Variants in PRSS23 observed in about 807,000 individuals in gnomAD.
The protein encoded by PRSS23 is serine protease 23, also known as protease, serine 23.
A neutral mutation model predicts 34.7 loss-of-function variants in PRSS23; 25 were observed. The ratio of observed to expected loss-of-function variants is 0.72; its 90% CI spans 0.53 to 1.01. The LOEUF (loss-of-function observed/expected upper bound fraction) is 1.01, where lower values mean the gene tolerates loss of function less well. Among genes scored for constraint, PRSS23 ranks in the 50% least tolerant of loss-of-function variants. PRSS23 has a pLI of 0.00. For missense variants in PRSS23, 445 were observed against 475.6 expected (o/e 0.94, Z 0.60); for synonymous variants, 176 against 186.6 (o/e 0.94, Z 0.46).
intron 1 of PRSS23, among the ~76,000 whole-genome samples, chr11:86,819,263 T>A (rs1948236220): frequency 6.6e-6 from 1 of 152,174 alleles, no homozygotes; most frequent in South Asian, 2.1e-4. Context: ...GACCTGACAC[T>A]CTGCAGAACT....
chr11:86,906,147 G>A lies in PRSS23; in HGVS notation c.207-45069G>A, dbSNP rs183115986. Among the ~76,000 whole-genome samples the A allele has an allele frequency of 5.9e-3, 900 of 152,364 alleles. 12 individuals are homozygous for A. Among genetic ancestry groups the A allele is most frequent in the African/African-American group, 0.021 (862 of 41,578 alleles). ...TGCCTTGCAGGAAGGGCCAGGGCCT[G>A]GCGGGGCCGGGGGGCGGGGGCAAGA... On this transcript the variant is annotated intron_variant, in intron 2 of 2. Transcript: ENST00000533902.
At chr11:86,926,707 C>T (rs1481282832) in intron 2 of PRSS23, among the ~76,000 whole-genome samples, 2 of 152,194 alleles carry the variant, frequency 1.3e-5, no homozygotes, top group African/African-American at 4.8e-5. Flanking sequence ...ATTAGGGTTA[C>T]ACTCCTGGAT....
chr11:86,906,297 A>G (rs1220463332), intron 2 of PRSS23, among the ~76,000 whole-genome samples: 1 of 152,228 alleles, frequency 6.6e-6, no homozygotes, highest in Non-Finnish European at 1.5e-5. Context: ...TATTGTTTTC[A>G]TCGAAACCCT....
chr11:86,927,981 C>T (rs1319446975), intron 2 of PRSS23, among the ~76,000 whole-genome samples: 1 of 151,656 alleles, frequency 6.6e-6, no homozygotes, highest in African/African-American at 2.4e-5. Flanking sequence ...CCCAGAAAGT[C>T]TCCACTTACA....
intron 1 of PRSS23, among the ~76,000 whole-genome samples, chr11:86,806,663 T>C (rs1948104754): frequency 6.6e-6 from 1 of 152,244 alleles, no homozygotes; most frequent in Non-Finnish European, 1.5e-5. Context: ...TCAAGCTGTT[T>C]CTCTGAGCTA....
chr11:86,838,073 CT>C (rs34376720), intron 2 of PRSS23, among the ~76,000 whole-genome samples: 2,512 of 144,294 alleles, frequency 0.017, 77 homozygotes, highest in African/African-American at 0.058. Context: ...ACGGTACACT[CT>C]TTTTTTTTTT....
At chr11:86,895,250 C>T (rs1263556151) in intron 2 of PRSS23, among the ~76,000 whole-genome samples, 1 of 152,148 alleles carries the variant, frequency 6.6e-6, no homozygotes, top group Admixed American at 6.5e-5. Flanking sequence ...AGATCCTGGT[C>T]CTGCTACTCA....
chr11:86,812,649 A>G (rs1948187102), downstream of PRSS23, among the ~76,000 whole-genome samples: 2 of 151,998 alleles, frequency 1.3e-5, 1 homozygote, highest in South Asian at 4.2e-4. Flanking sequence ...TTGGCCGGGC[A>G]TGGTGGCGCA....
At position 86,876,034 on chromosome 11, in the gene PRSS23, A is replaced by G. The variant is rs141148588; in HGVS notation, c.206+52441A>G. ...TCTACCTTTTCTCCCATTTTTGTCT[A>G]GGTAGACGTGTACAAGTCACTCTGC... is the stretch of plus-strand genomic sequence containing the variant. On this transcript the variant is annotated intron_variant, in intron 2 of 2. Coordinates refer to the PRSS23 transcript ENST00000533902. 6.9e-3 allele frequency among the ~76,000 whole-genome samples: 1,044 copies of G among 152,300 alleles called. 11 individuals are homozygous for G. The highest frequency in any genetic ancestry group is 0.024 in the African/African-American group (1,012 of 41,566).
chr11:86,809,642 G>A lies in PRSS23; in HGVS notation c.*847G>A, dbSNP rs1267885535. 1 of 166,980 alleles carries A rather than the reference G, an allele frequency of 6.0e-6. No homozygotes were observed. The highest frequency in any genetic ancestry group is 2.4e-5 in the African/African-American group (1 of 41,424). The allele number at this position is 166,980 out of a possible 1,614,324, so 10.3% of individuals were successfully genotyped here. A position where few individuals can be genotyped will look rare whatever the true frequency, so the allele number is the denominator to read the frequency against. ...AATCAGGGCTTAATTAGAACAGGCT[G>A]TATTTCCTCCCAGCAAACAGTTGTG... is the stretch of plus-strand genomic sequence containing the variant. On this transcript the variant is annotated 3_prime_UTR_variant, in exon 2 of 2. Transcript: ENST00000280258.
intron 2 of PRSS23, among the ~76,000 whole-genome samples, chr11:86,929,624 G>A (rs530534411): frequency 3.0e-4 from 46 of 152,308 alleles, no homozygotes; most frequent in Middle Eastern, 3.4e-3. Flanking sequence ...GCGAGACTCC[G>A]TCTCAAAAAT....
exon 3 of PRSS23, chr11:86,952,530 A>C: frequency 1.9e-6 from 3 of 1,580,964 alleles, no homozygotes; most frequent in Non-Finnish European, 2.6e-6. Context: ...GTTTGACCAA[A>C]TGCTCCCACA....
chr11:86,889,937 T>A (rs1424802460), intron 2 of PRSS23, among the ~76,000 whole-genome samples: 1 of 152,140 alleles, frequency 6.6e-6, no homozygotes, highest in Non-Finnish European at 1.5e-5. Context: ...ATTTAACTGA[T>A]CTGGTGTGGG....
intron 2 of PRSS23, among the ~76,000 whole-genome samples, chr11:86,926,233 T>C (rs1055908853): frequency 9.2e-5 from 14 of 152,106 alleles, no homozygotes; most frequent in African/African-American, 3.1e-4. Flanking sequence ...CGTGGTGCCG[T>C]GCACCTGTAG....
rs752836331 is a variant in PRSS23, at chr11:86,951,853, T to A, written c.*568T>A. ...ACATCAGCAAGAAAATTATTGCACA[T>A]CCTGTGTTCTTAAGTCCTTCTTGGA... is the stretch of plus-strand genomic sequence containing the variant. On this transcript the variant is annotated 3_prime_UTR_variant, in exon 3 of 3. Coordinates refer to the PRSS23 transcript ENST00000533902. The A allele has an allele frequency of 6.2e-6, 10 of 1,613,624 alleles. No individual in the cohort carries two copies. In the East Asian group the frequency reaches 1.6e-4, roughly 25 times the overall value.
chr11:86,829,476 C>T (rs1473548035), intron 2 of PRSS23, among the ~76,000 whole-genome samples: 1 of 152,154 alleles, frequency 6.6e-6, no homozygotes, highest in Non-Finnish European at 1.5e-5. Context: ...TGTCTGAAGC[C>T]TTCTCTCAAC....
intron 2 of PRSS23, among the ~76,000 whole-genome samples, chr11:86,856,155 A>G (rs917787285): frequency 6.6e-6 from 1 of 152,186 alleles, no homozygotes; most frequent in African/African-American, 2.4e-5. Context: ...ATGTAAAATG[A>G]AAATGCTAAG....
At chr11:86,821,384 A>T in intron 1 of PRSS23, 1 of 1,223,200 alleles carries the variant, frequency 8.2e-7, no homozygotes, top group Non-Finnish European at 1.2e-6. Flanking sequence ...TTACTTCTTT[A>T]TGCTAACCCT....
chr11:86,931,063 A>T (rs117206089), intron 2 of PRSS23, among the ~76,000 whole-genome samples: 6 of 152,320 alleles, frequency 3.9e-5, no homozygotes, highest in Non-Finnish European at 8.8e-5. Flanking sequence ...GATGGGATCA[A>T]GGTTATGTTT....
Sources: gnomAD v4.1 joint callset for allele counts (sites outside exome capture counted in the v4.1 genomes callset) on GRCh38, gnomAD v4.1.1 for gene constraint, MANE v1.5 for transcripts, NCBI Gene and HGNC (gene_info 2026-07-23, HGNC 2026-07-21) for gene names.